The following RANBP9 variants were observed in gnomAD, a reference collection of about 807,000 sequenced individuals.
The protein encoded by RANBP9 is RAN binding protein 9.
Under a neutral mutation model 84.3 loss-of-function variants are expected in RANBP9, and 15 were observed. That is an observed-to-expected ratio of 0.18 (90% CI 0.12 to 0.27). The LOEUF is 0.27. RANBP9 is among the 10% of genes least tolerant of loss of function. RANBP9 has a pLI of 1.00. For missense variants in RANBP9, 809 were observed against 912.8 expected (o/e 0.89, Z 1.46); for synonymous variants, 392 against 349.6 (o/e 1.12, Z -1.35).
intron 5 of RANBP9, among the ~76,000 whole-genome samples, chr6:13,650,979 CT>C (rs1331957529): frequency 1.3e-5 from 2 of 151,994 alleles, no homozygotes; most frequent in Non-Finnish European, 2.9e-5. Context: ...GGCATCCAGT[CT>C]TTAAAAAACT....
chr6:13,644,727 T>G lies in RANBP9; in HGVS notation c.930A>C (p.Pro310=). The part of the protein sequence containing the change: ...SLGIAFTDLP[P]NLYPTVGLQT... Reference sequence around the variant, plus strand: ...GAAGCCCCACAGTAGGATACAAATTTGGCTGTAAGATAGCATATTTCATTA... The same window carrying G: ...GAAGCCCCACAGTAGGATACAAATTGGGCTGTAAGATAGCATATTTCATTA... The change falls in exon 6 of 14, where the codon CCA becomes CCC. Residue 310 remains proline, a splice_region_variant and synonymous_variant. Coordinates refer to ENST00000011619, the MANE Select transcript of RANBP9 (RefSeq NM_005493.3). The G allele has an allele frequency of 6.3e-7, 1 of 1,592,268 alleles. No homozygotes were observed. The highest frequency in any genetic ancestry group is 8.5e-7 in the Non-Finnish European group (1 of 1,170,940).
At chr6:13,666,608 A>AAAAAAAAAAAAAC (rs1765655143) in intron 2 of RANBP9, among the ~76,000 whole-genome samples, 1 of 131,914 alleles carries the variant, frequency 7.6e-6, no homozygotes, top group Admixed American at 7.3e-5. Context: ...TCCAAAAAAA[A>AAAAAAAAAAAAAC]AAAAAAAAAA....
At chr6:13,627,509 A>C (rs1764642699) in intron 12 of RANBP9, among the ~76,000 whole-genome samples, 1 of 151,810 alleles carries the variant, frequency 6.6e-6, no homozygotes, top group Admixed American at 6.6e-5. Flanking sequence ...GCATGCCTCT[A>C]ATCTCAGCTA....
intron 2 of RANBP9, among the ~76,000 whole-genome samples, chr6:13,675,501 C>T (rs1765868420): frequency 6.6e-6 from 1 of 152,008 alleles, no homozygotes; most frequent in Non-Finnish European, 1.5e-5. Context: ...GCAGTGCCTA[C>T]AGAGAAATTT....
chr6:13,709,368 T>A lies in RANBP9; in HGVS notation c.571+1567A>T, dbSNP rs1758214724. On this transcript the variant is annotated intron_variant, in intron 1 of 13. Coordinates refer to ENST00000011619, the MANE Select transcript of RANBP9 (RefSeq NM_005493.3). ...ACTGCAGAACTCAGGAAATCTAGAA[T>A]TCTTTGTTCATCTACACTGGCTCTG... 2.6e-5 allele frequency among the ~76,000 whole-genome samples: 4 copies of A among 152,072 alleles called. No individual in the cohort carries two copies. The South Asian group carries it at 8.3e-4, about 32-fold the overall frequency.
At chr6:13,649,414 T>TAAC (rs904590206) in intron 5 of RANBP9, among the ~76,000 whole-genome samples, 2 of 98,874 alleles carry the variant, frequency 2.0e-5, no homozygotes, top group African/African-American at 7.9e-5. Flanking sequence ...AAACGAAAGC[T>TAAC]AACAACAACA....
chr6:13,672,195 T>A (rs983393683), intron 2 of RANBP9, among the ~76,000 whole-genome samples: 8 of 152,220 alleles, frequency 5.3e-5, no homozygotes, highest in African/African-American at 1.4e-4. Context: ...AGTAACCATT[T>A]TGAAATCTGA....
At chr6:13,640,191 A>G (rs1194295950) in intron 8 of RANBP9, among the ~76,000 whole-genome samples, 1 of 152,194 alleles carries the variant, frequency 6.6e-6, no homozygotes, top group Non-Finnish European at 1.5e-5. Context: ...AATGGGCCTC[A>G]TTTAAAATTC....
At chr6:13,694,795 T>C (rs956215798) in intron 2 of RANBP9, among the ~76,000 whole-genome samples, 1 of 152,144 alleles carries the variant, frequency 6.6e-6, no homozygotes, top group African/African-American at 2.4e-5. Flanking sequence ...ATTTACCACA[T>C]GCCCTTTAGT....
At chr6:13,707,670 T>A (rs541164437) in intron 1 of RANBP9, among the ~76,000 whole-genome samples, 1 of 152,290 alleles carries the variant, frequency 6.6e-6, no homozygotes, top group Admixed American at 6.5e-5. Context: ...TCTCTAAAAT[T>A]TAAAATGAAA....
At chr6:13,675,874 G>C (rs1020431673) in intron 2 of RANBP9, among the ~76,000 whole-genome samples, 1 of 151,788 alleles carries the variant, frequency 6.6e-6, no homozygotes, top group African/African-American at 2.4e-5. Flanking sequence ...CCACAAATTT[G>C]ATTATTTAGA....
intron 2 of RANBP9, among the ~76,000 whole-genome samples, chr6:13,691,344 T>C (rs1766318324): frequency 6.6e-6 from 1 of 152,140 alleles, no homozygotes; most frequent in Non-Finnish European, 1.5e-5. Flanking sequence ...GAAAATGAAA[T>C]ATATTCTTTC....
At position 13,628,692 on chromosome 6, in the gene RANBP9, C is replaced by T. The variant is rs375704152; in HGVS notation, c.1948-2928G>A. On this transcript the variant is annotated intron_variant, in intron 12 of 13. Transcript: ENST00000011619. ...CATCTAGGACTTGATTCTTTCTTCA[C>T]AAAGGAAAATGAATGAAACTGGCAA... is the stretch of plus-strand genomic sequence containing the variant. Among the ~76,000 whole-genome samples the T allele has an allele frequency of 2.5e-4, 38 of 152,242 alleles. 1 individual carries two copies. The South Asian group carries it at 7.7e-3, about 31-fold the overall frequency.
At chr6:13,693,319 G>T (rs1766370060) in intron 2 of RANBP9, among the ~76,000 whole-genome samples, 1 of 152,114 alleles carries the variant, frequency 6.6e-6, no homozygotes, top group Admixed American at 6.5e-5. Flanking sequence ...AACATAATTA[G>T]TCATTAGGGA....
At chr6:13,632,302 G>T in intron 12 of RANBP9, 68 bp downstream of exon 12, 2 of 1,508,290 alleles carry the variant, frequency 1.3e-6, no homozygotes, top group Non-Finnish European at 1.8e-6. Flanking sequence ...ACACTGCTCA[G>T]TGTTTCACAA....
rs148932413 is a variant in RANBP9, at chr6:13,664,527, C to T, written c.684-5695G>A. Among the ~76,000 whole-genome samples, 578 of 151,966 alleles carry T rather than the reference C, an allele frequency of 3.8e-3. 3 individuals are homozygous for T. The highest frequency in any genetic ancestry group is 0.014 in the African/African-American group (563 of 41,474). ...AGAAGCTGATTAATGAATGTACATA[C>T]ACAGCTTAATAGAAGAAATAAGACC... On this transcript the variant is annotated intron_variant, in intron 2 of 13. Coordinates refer to ENST00000011619, the MANE Select transcript of RANBP9 (RefSeq NM_005493.3).
chr6:13,693,242 A>G (rs1402430624), intron 2 of RANBP9, among the ~76,000 whole-genome samples: 2 of 152,220 alleles, frequency 1.3e-5, no homozygotes, highest in Non-Finnish European at 2.9e-5. Context: ...ATAAGCCAGC[A>G]TGCGTAGTCA....
intron 12 of RANBP9, among the ~76,000 whole-genome samples, chr6:13,626,660 C>A (rs116903134): frequency 6.6e-6 from 1 of 152,148 alleles, no homozygotes; most frequent in Admixed American, 6.5e-5. Context: ...AACACTCTTA[C>A]CAATTTGGAA....
intron 2 of RANBP9, among the ~76,000 whole-genome samples, chr6:13,690,802 C>T (rs1180631312): frequency 1.3e-5 from 2 of 152,258 alleles, no homozygotes; most frequent in East Asian, 1.9e-4. Flanking sequence ...TAAAGAAATT[C>T]ATCTCAACGG....
Sources: gnomAD v4.1 joint callset for allele counts (sites outside exome capture counted in the v4.1 genomes callset) on GRCh38, gnomAD v4.1.1 for gene constraint, MANE v1.5 for transcripts, NCBI Gene and HGNC (gene_info 2026-07-23, HGNC 2026-07-21) for gene names.